The following PWWP3B variants were observed in gnomAD, a reference collection of about 807,000 sequenced individuals.
The protein encoded by PWWP3B is PWWP domain containing 3B, also known as PWWP domain-containing DNA repair factor 3B.
PWWP3B carries 5 observed loss-of-function variants against 15.7 expected under a neutral mutation model. The ratio of observed to expected loss-of-function variants is 0.32; its 90% CI spans 0.17 to 0.67. The LOEUF (loss-of-function observed/expected upper bound fraction) is 0.67, where lower values mean the gene tolerates loss of function less well. PWWP3B is among the 30% of genes least tolerant of loss of function. PWWP3B has a pLI of 0.74. For synonymous variants in PWWP3B, 203 were observed against 179.8 expected (o/e 1.13, Z -1.03); for missense variants, 519 against 493.1 (o/e 1.05, Z -0.50).
chrX:106,205,066 C>T (rs953467966), intron 3 of PWWP3B, among the ~76,000 whole-genome samples, 153 bp from the exon 4 acceptor site: 3 of 110,510 alleles, frequency 2.7e-5, no homozygotes, highest in Non-Finnish European at 5.7e-5. Flanking sequence ...CACCCCTCCC[C>T]CCCGCAATCT....
At chrX:106,191,649 C>T (rs1479233543) in intron 2 of PWWP3B, among the ~76,000 whole-genome samples, 1 of 111,245 alleles carries the variant, frequency 9.0e-6, no homozygotes, top group African/African-American at 3.3e-5. Context: ...CCAGTTTTTG[C>T]CCATTCAGTA....
chrX:106,205,864 T>C lies in PWWP3B; in HGVS notation c.432T>C (p.Cys144=). ...AGGATGAAGGTGACTTACCAGGGTG[T>C]CTTGAGGAAAGGGAAAACTCAGCAT... ...YRKDEGDLPG[C]LEERENSACL... Residue 144 remains cysteine, a synonymous_variant, in exon 4 of 4, where the codon TGT becomes TGC. Transcript: ENST00000357175. The C allele has an allele frequency of 8.3e-7, 1 of 1,211,236 alleles. No individual in the cohort carries two copies. Among genetic ancestry groups the C allele is most frequent in the East Asian group, 3.0e-5 (1 of 33,806 alleles).
At chrX:106,168,722 T>C (rs1164564633) in intron 1 of PWWP3B, among the ~76,000 whole-genome samples, 4 of 112,171 alleles carry the variant, frequency 3.6e-5, no homozygotes, top group African/African-American at 1.3e-4. Flanking sequence ...TGAAAAAGGT[T>C]GTAATAGTCT....
At chrX:106,181,376 C>T (rs1353056445) in intron 2 of PWWP3B, among the ~76,000 whole-genome samples, 1 of 111,643 alleles carries the variant, frequency 9.0e-6, no homozygotes, top group East Asian at 2.8e-4. Flanking sequence ...CTGATTGGTC[C>T]ATTTTACAGA....
chrX:106,183,605 T>C (rs1373309363), intron 2 of PWWP3B, among the ~76,000 whole-genome samples: 1 of 112,061 alleles, frequency 8.9e-6, no homozygotes, highest in African/African-American at 3.2e-5. Flanking sequence ...AAGAAAGGCA[T>C]GTGAAAAGAG....
At chrX:106,179,506 TTTA>T (rs1309275788) in intron 2 of PWWP3B, among the ~76,000 whole-genome samples, 2 of 112,086 alleles carry the variant, frequency 1.8e-5, no homozygotes, top group African/African-American at 6.5e-5. Context: ...GGCAGGGAAA[TTTA>T]TTTACACCTT....
chrX:106,203,627 AT>A (rs1363520668), intron 2 of PWWP3B, among the ~76,000 whole-genome samples: 1 of 112,329 alleles, frequency 8.9e-6, no homozygotes, highest in African/African-American at 3.2e-5. Flanking sequence ...TTGAAAAAAA[AT>A]TGTATGTGTA....
intron 2 of PWWP3B, among the ~76,000 whole-genome samples, chrX:106,199,173 C>G (rs1394496064): frequency 9.1e-6 from 1 of 109,418 alleles, no homozygotes; most frequent in Non-Finnish European, 1.9e-5. Flanking sequence ...CTCAGCCTCC[C>G]AAGTAGCTGG....
In PWWP3B at chrX:106,206,182, G is replaced by A. The variant is rs768850284; in HGVS notation, c.750G>A (p.Met250Ile). The change falls in exon 4 of 4, where the codon ATG (methionine) becomes ATA (isoleucine). Residue 250 changes from methionine to isoleucine, a missense_variant. Transcript: ENST00000357175. ...LSPLSSDMLIMPKALKEESED... is the reference protein window; with the variant it reads ...LSPLSSDMLIIPKALKEESED... ...CTTTGTCATCAGATATGCTCATTAT[G>A]CCCAAAGCTTTGAAAGAAGAGAGCG... The A allele has an allele frequency of 6.3e-5, 76 of 1,205,072 alleles. No individual in the cohort carries two copies. Among genetic ancestry groups the A allele is most frequent in the Non-Finnish European group, 8.2e-5 (73 of 892,763 alleles).
At chrX:106,190,523 TGCTGTAC>T (rs1922858683) in intron 2 of PWWP3B, among the ~76,000 whole-genome samples, 1 of 111,860 alleles carries the variant, frequency 8.9e-6, no homozygotes, top group African/African-American at 3.3e-5. Flanking sequence ...TAGTTTCTTT[TGCTGTAC>T]AGAAGCTCTT....
At chrX:106,182,935 T>C (rs1602834932) in intron 2 of PWWP3B, among the ~76,000 whole-genome samples, 1 of 111,326 alleles carries the variant, frequency 9.0e-6, no homozygotes, top group East Asian at 2.8e-4. Flanking sequence ...CTGGGATGTT[T>C]CCTTCTGAAA....
intron 2 of PWWP3B, among the ~76,000 whole-genome samples, chrX:106,201,451 G>A (rs1429478573): frequency 8.9e-6 from 1 of 112,745 alleles, no homozygotes; most frequent in Non-Finnish European, 1.9e-5. Context: ...ATTAGTAACT[G>A]TGTTTTGATT....
intron 1 of PWWP3B, among the ~76,000 whole-genome samples, chrX:106,170,210 T>C (rs894413769): frequency 8.9e-6 from 1 of 111,879 alleles, no homozygotes; most frequent in Non-Finnish European, 1.9e-5. Context: ...TGTTCAAATA[T>C]ATTACTGGAG....
rs1295401042 is a variant in PWWP3B, at chrX:106,189,742, C to T, written c.-400-14243C>T. On this transcript the variant is annotated intron_variant, in intron 2 of 3. Coordinates refer to ENST00000357175, the MANE Select transcript of PWWP3B (RefSeq NM_001171020.2). ...ACGCCATTCTCCTGCCTCAGCCTCC[C>T]GAGTAGCTGGGACTACAGGCGCCTG... Among the ~76,000 whole-genome samples the T allele has an allele frequency of 1.1e-4, 12 of 108,353 alleles. No individual in the cohort carries two copies. The South Asian group carries it at 3.3e-3, about 30-fold the overall frequency. The allele number at this position is 108,353 out of a possible 115,157, so 94.1% of individuals were successfully genotyped here. A position where few individuals can be genotyped will look rare whatever the true frequency, so the allele number is the denominator to read the frequency against.
intron 2 of PWWP3B, among the ~76,000 whole-genome samples, chrX:106,191,054 T>C (rs1602849502): frequency 9.1e-6 from 1 of 110,054 alleles, no homozygotes; most frequent in African/African-American, 3.3e-5. Context: ...ATATGAACTT[T>C]AAAGTAGTTT....
At chrX:106,198,676 A>T (rs1361908541) in intron 2 of PWWP3B, among the ~76,000 whole-genome samples, 1 of 110,838 alleles carries the variant, frequency 9.0e-6, no homozygotes, top group Non-Finnish European at 1.9e-5. Context: ...CTTTTTGTCC[A>T]CCTCCTTCTA....
rs759966311 is a variant in PWWP3B at position 106,206,846 on chromosome X, C to A, written c.1414C>A (p.Leu472Ile). Reference protein sequence around the residue: ...YSESIDWCISLICDYRVRIGC... With the variant: ...YSESIDWCISIICDYRVRIGC... Reference sequence around the variant, plus strand: ...TGAGAGTATTGACTGGTGCATCTCACTAATTTGTGACTACAGAGTTAGAAT... The same window carrying A: ...TGAGAGTATTGACTGGTGCATCTCAATAATTTGTGACTACAGAGTTAGAAT... The change falls in exon 4 of 4, where the codon CTA (leucine) becomes ATA (isoleucine). Residue 472 changes from leucine (L) to isoleucine (I), a missense_variant. Coordinates refer to ENST00000357175, the MANE Select transcript of PWWP3B (RefSeq NM_001171020.2). The A allele has an allele frequency of 6.3e-5, 76 of 1,209,621 alleles. No homozygotes were observed. Among genetic ancestry groups the A allele is most frequent in the Non-Finnish European group, 8.0e-5 (72 of 894,949 alleles).
At chrX:106,173,153 C>T (rs753366700) in intron 2 of PWWP3B, among the ~76,000 whole-genome samples, 13 of 111,649 alleles carry the variant, frequency 1.2e-4, no homozygotes, top group Non-Finnish European at 2.4e-4. Flanking sequence ...CTCATTGTGT[C>T]CGTGAGCTCT....
In PWWP3B at chrX:106,207,724, C is replaced by T; in HGVS notation, c.*201C>T. The T allele has an allele frequency of 2.8e-6, 1 of 362,968 alleles. No individual in the cohort carries two copies. The highest frequency in any genetic ancestry group is 4.7e-6 in the Non-Finnish European group (1 of 210,538). 29.9% of individuals were successfully genotyped at this position (362,968 alleles called of 1,213,427 possible). ...TGCGCTTCTTCAAAGTTAATTTTGT[C>T]AACATATTTCAGCAGTTCTACTTTC... On this transcript the variant is annotated 3_prime_UTR_variant, in exon 4 of 4. Coordinates refer to ENST00000357175, the MANE Select transcript of PWWP3B (RefSeq NM_001171020.2).
Sources: gnomAD v4.1 joint callset for allele counts (sites outside exome capture counted in the v4.1 genomes callset) on GRCh38, gnomAD v4.1.1 for gene constraint, MANE v1.5 for transcripts, NCBI Gene and HGNC (gene_info 2026-07-23, HGNC 2026-07-21) for gene names.